The following GABBR2 variants were observed in gnomAD, a reference collection of about 807,000 sequenced individuals.
GABBR2 encodes the protein G-protein coupled receptor 51.
A neutral mutation model predicts 105.6 loss-of-function variants in GABBR2; 23 were observed. The ratio of observed to expected loss-of-function variants is 0.22; its 90% CI spans 0.16 to 0.31. The LOEUF (loss-of-function observed/expected upper bound fraction) is 0.31, where lower values mean the gene tolerates loss of function less well. Ranked by LOEUF, GABBR2 falls within the 10% of genes least tolerant of loss-of-function variation. GABBR2 has a pLI of 1.00. For synonymous variants in GABBR2, 478 were observed against 499.7 expected (o/e 0.96, Z 0.58); for missense variants, 734 against 1,245.5 (o/e 0.59, Z 6.18).
intron 13 of GABBR2, among the ~76,000 whole-genome samples, chr9:98,339,695 A>G (rs191622827): frequency 2.1e-3 from 327 of 152,328 alleles, no homozygotes; most frequent in Non-Finnish European, 2.3e-3. Context: ...TCAGTTATTC[A>G]ACTAATATTA....
In GABBR2 at chr9:98,687,528, A is replaced by G. The variant is rs114323750; in HGVS notation, c.321+20889T>C. ...GCCTGGTTGAGAAGAGGATCAGAGG[A>G]GCCTGACTAAAGTTTGGTCAAGGAG... On this transcript the variant is annotated intron_variant, in intron 1 of 18. Coordinates refer to ENST00000259455, the MANE Select transcript of GABBR2 (RefSeq NM_005458.8). Among the ~76,000 whole-genome samples, 1,326 of 152,290 alleles carry G rather than the reference A, an allele frequency of 8.7e-3. 22 individuals carry two copies. Among genetic ancestry groups the G allele is most frequent in the African/African-American group, 0.03 (1,265 of 41,570 alleles).
chr9:98,669,447 T>A (rs536392950), intron 1 of GABBR2, among the ~76,000 whole-genome samples: 8 of 152,348 alleles, frequency 5.3e-5, no homozygotes, highest in Admixed American at 3.3e-4. Flanking sequence ...TCATCCTCAA[T>A]ACCTTTTGTT....
At chr9:98,406,871 G>A (rs1366637784) in intron 7 of GABBR2, among the ~76,000 whole-genome samples, 4 of 152,126 alleles carry the variant, frequency 2.6e-5, no homozygotes, top group South Asian at 2.1e-4. Context: ...TCTTCTTTCC[G>A]ATTTATGGCC....
At chr9:98,411,675 C>T (rs532532624) in intron 7 of GABBR2, among the ~76,000 whole-genome samples, 1 of 152,238 alleles carries the variant, frequency 6.6e-6, no homozygotes, top group African/African-American at 2.4e-5. Context: ...GATCCTTCCA[C>T]CTCAGCCTCC....
Position 98,314,994 on chromosome 9 carries a change from T to C in GABBR2, c.1894-3789A>G, listed in dbSNP as rs188730556. On this transcript the variant is annotated intron_variant, in intron 13 of 18. Coordinates refer to ENST00000259455, the MANE Select transcript of GABBR2 (RefSeq NM_005458.8). ...CCAGTGATTCATGTGTTCCTTCAGGTTGGACCAAGACCCATCAGGTAGTTT... is the reference window on the plus strand; with the variant it reads ...CCAGTGATTCATGTGTTCCTTCAGGCTGGACCAAGACCCATCAGGTAGTTT... Among the ~76,000 whole-genome samples, 64 of 152,304 alleles carry C rather than the reference T, an allele frequency of 4.2e-4. 2 individuals carry two copies. The highest frequency in any genetic ancestry group is 7.7e-4 in the East Asian group (4 of 5,186).
chr9:98,454,645 A>G lies in GABBR2; in HGVS notation c.1000-428T>C, dbSNP rs1401335982. On this transcript the variant is annotated intron_variant, in intron 6 of 18. Coordinates refer to ENST00000259455, the MANE Select transcript of GABBR2 (RefSeq NM_005458.8). The surrounding 1 kb of genome is among the most constrained non-coding windows in gnomAD (Gnocchi z 4.6). ...GTTCAAAAATATTCTCTATCTCCTC[A>G]TCGTAATAAATACACCTTCCTAGGG... 6.6e-6 allele frequency among the ~76,000 whole-genome samples: 1 copy of G among 152,178 alleles called. No homozygotes were observed. The highest frequency in any genetic ancestry group is 2.4e-5 in the African/African-American group (1 of 41,432).
At chr9:98,345,264 G>A (rs917048501) in intron 13 of GABBR2, among the ~76,000 whole-genome samples, 6 of 152,056 alleles carry the variant, frequency 3.9e-5, no homozygotes, top group East Asian at 1.9e-4. Context: ...TGTTCTCACC[G>A]TGCAGCCAGG....
intron 13 of GABBR2, among the ~76,000 whole-genome samples, chr9:98,332,847 C>T (rs1377978959): frequency 3.9e-5 from 6 of 152,212 alleles, no homozygotes; most frequent in African/African-American, 1.2e-4. Flanking sequence ...TTTAATTCTT[C>T]GAGTCTTCTG....
At chr9:98,470,101 G>T (rs1826639723) in intron 6 of GABBR2, among the ~76,000 whole-genome samples, 1 of 152,146 alleles carries the variant, frequency 6.6e-6, no homozygotes, top group Non-Finnish European at 1.5e-5. Context: ...TTCAACAAAG[G>T]CAAGTGCAAC....
rs184861413 is a variant in GABBR2, at chr9:98,318,217, G to C, written c.1894-7012C>G. Among the ~76,000 whole-genome samples, 5 of 152,310 alleles carry C rather than the reference G, an allele frequency of 3.3e-5. No homozygotes were observed. The East Asian group carries it at 5.8e-4, about 18-fold the overall frequency. On this transcript the variant is annotated intron_variant, in intron 13 of 18. Transcript: ENST00000259455. ...AATGCAGATTCAGGTGCGCGGTCCC[G>C]GGTGGGGCCTGGGATGCTGCATTTC...
rs518655 is a variant in GABBR2, at chr9:98,362,465, C to T, written c.1893+250G>A. On this transcript the variant is annotated intron_variant, in intron 13 of 18. Coordinates refer to ENST00000259455, the MANE Select transcript of GABBR2 (RefSeq NM_005458.8). Reference sequence around the variant, plus strand: ...CTTATAAATGAAGGCTTCTACAATGCATAAGAATATACTCTTAAAAAGCCC... The same window carrying T: ...CTTATAAATGAAGGCTTCTACAATGTATAAGAATATACTCTTAAAAAGCCC... 78,321 of 238,906 alleles carry T rather than the reference C, an allele frequency of 0.33. 14,256 individuals carry two copies. The highest frequency in any genetic ancestry group is 0.49 in the African/African-American group (21,845 of 44,352). The allele number at this position is 238,906 out of a possible 1,614,324, so 14.8% of individuals were successfully genotyped here.
chr9:98,518,054 G>A (rs542513308), intron 3 of GABBR2, among the ~76,000 whole-genome samples: 228 of 152,304 alleles, frequency 1.5e-3, no homozygotes, highest in African/African-American at 5.1e-3. Context: ...GAAAGAAGGC[G>A]AGAAAGAGTT....
chr9:98,573,950 G>T (rs575067551), intron 2 of GABBR2, among the ~76,000 whole-genome samples: 55 of 152,276 alleles, frequency 3.6e-4, no homozygotes, highest in African/African-American at 1.3e-3. Context: ...CCCCCTATTG[G>T]GAATGCAGGG....
At chr9:98,345,593 G>A (rs2131414255) in intron 13 of GABBR2, among the ~76,000 whole-genome samples, 1 of 152,266 alleles carries the variant, frequency 6.6e-6, no homozygotes, top group Middle Eastern at 3.4e-3. Flanking sequence ...TGTACTAGAA[G>A]TTCTAGTTAA....
intron 1 of GABBR2, among the ~76,000 whole-genome samples, chr9:98,634,429 G>A (rs989919735): frequency 2.0e-5 from 3 of 152,212 alleles, no homozygotes; most frequent in Non-Finnish European, 2.9e-5. Context: ...CCTGGATTGA[G>A]AACAGGCCCT....
chr9:98,698,281 C>A (rs1481046644), intron 1 of GABBR2, among the ~76,000 whole-genome samples: 1 of 152,096 alleles, frequency 6.6e-6, no homozygotes, highest in Non-Finnish European at 1.5e-5. Flanking sequence ...GATGAGTCCA[C>A]GCACTCAATA....
chr9:98,376,455 A>G (rs1049635266), intron 11 of GABBR2, among the ~76,000 whole-genome samples: 1 of 152,178 alleles, frequency 6.6e-6, no homozygotes, highest in Admixed American at 6.5e-5. Context: ...CCTGCTGTCC[A>G]AAAGGTTCTC....
intron 14 of GABBR2, among the ~76,000 whole-genome samples, chr9:98,309,513 T>C (rs1167898795): frequency 1.3e-5 from 2 of 152,222 alleles, no homozygotes; most frequent in Non-Finnish European, 2.9e-5. Context: ...ATGGCATCTA[T>C]GGACAGGGCT....
intron 13 of GABBR2, among the ~76,000 whole-genome samples, chr9:98,328,406 T>C (rs969378081): frequency 2.0e-5 from 3 of 152,170 alleles, no homozygotes; most frequent in African/African-American, 7.2e-5. Context: ...GTGCGACTAA[T>C]TGAAAGCCAT....
Sources: allele counts gnomAD v4.1 joint callset (sites outside exome capture counted in the v4.1 genomes callset), GRCh38; gene constraint gnomAD v4.1.1; non-coding constraint Gnocchi (gnomAD v3.1); transcripts MANE v1.5; gene names NCBI Gene and HGNC (gene_info 2026-07-23, HGNC 2026-07-21).